GDA: variants seen among roughly 807,000 people sequenced by gnomAD.
GDA encodes cytoplasmic PSD-95 interactor.
In GDA, 18 loss-of-function variants were observed where a neutral mutation model predicts 59.6. The observed-to-expected ratio is 0.30, with a 90% CI of 0.21 to 0.45. The LOEUF is 0.45. GDA is among the 20% of genes least tolerant of loss of function. GDA has a pLI of 1.00. For missense variants in GDA, 427 were observed against 552.3 expected (o/e 0.77, Z 2.27); for synonymous variants, 201 against 201.1 (o/e 1.00, Z 0.00).
chr9:72,196,380 G>A (rs1049019100), intron 2 of GDA, among the ~76,000 whole-genome samples: 12 of 151,576 alleles, frequency 7.9e-5, no homozygotes, highest in Non-Finnish European at 1.3e-4. Flanking sequence ...CAGCTACCTG[G>A]GTGGCTGAGG....
At chr9:72,258,792 G>C (rs987320786), downstream of GDA, among the ~76,000 whole-genome samples, 1 of 152,124 alleles carries the variant, frequency 6.6e-6, no homozygotes, top group Non-Finnish European at 1.5e-5. Flanking sequence ...GCTTGGACTC[G>C]GAAGAAAGAG....
chr9:72,178,574 C>T (rs1241392500), intron 1 of GDA, among the ~76,000 whole-genome samples: 3 of 152,028 alleles, frequency 2.0e-5, no homozygotes, highest in African/African-American at 4.8e-5. Context: ...TGTATCACCA[C>T]GCCTAGCTAA....
upstream of GDA, among the ~76,000 whole-genome samples, chr9:72,145,782 T>C (rs1826605949): frequency 6.6e-6 from 1 of 152,206 alleles, no homozygotes; most frequent in African/African-American, 2.4e-5. Context: ...CATAAAATGT[T>C]GGAAAACTAA....
At chr9:72,188,739 G>A (rs1832151891) in intron 1 of GDA, among the ~76,000 whole-genome samples, 1 of 152,130 alleles carries the variant, frequency 6.6e-6, no homozygotes, top group Non-Finnish European at 1.5e-5. Flanking sequence ...TGGAGCCCTG[G>A]GAGCAGGACT....
intron 1 of GDA, among the ~76,000 whole-genome samples, chr9:72,163,163 A>G (rs1391362581): frequency 1.3e-5 from 2 of 152,186 alleles, no homozygotes; most frequent in Non-Finnish European, 2.9e-5. Context: ...TTTGATGACA[A>G]AAATGGGTAC....
At chr9:72,200,745 C>T (rs1833889106) in intron 2 of GDA, among the ~76,000 whole-genome samples, 1 of 152,340 alleles carries the variant, frequency 6.6e-6, no homozygotes, top group African/African-American at 2.4e-5. Flanking sequence ...ATATTCCACC[C>T]TCCCTTTCAG....
intron 10 of GDA, among the ~76,000 whole-genome samples, chr9:72,234,045 T>C (rs977163386): frequency 2.0e-5 from 3 of 152,160 alleles, no homozygotes; most frequent in African/African-American, 7.2e-5. Context: ...AGCAGGAGGA[T>C]GGATAAGCAA....
intron 9 of GDA, among the ~76,000 whole-genome samples, chr9:72,229,793 C>G (rs1232004527): frequency 1.3e-5 from 2 of 152,128 alleles, no homozygotes. Context: ...GGGAAGGGTG[C>G]TGAGAGCCAC....
chr9:72,158,460 G>A (rs1011619239), intron 1 of GDA, among the ~76,000 whole-genome samples: 1 of 152,008 alleles, frequency 6.6e-6, no homozygotes, highest in Non-Finnish European at 1.5e-5. Flanking sequence ...GGGTGTGGTG[G>A]CAGGCGCCTA....
intron 1 of GDA, among the ~76,000 whole-genome samples, chr9:72,124,634 T>C (rs1825782986): frequency 6.6e-6 from 1 of 152,222 alleles, no homozygotes; most frequent in Non-Finnish European, 1.5e-5. Context: ...TTACATTAGT[T>C]ACAAGGTGTA....
At chr9:72,163,844 T>C (rs894726029) in intron 1 of GDA, among the ~76,000 whole-genome samples, 2 of 152,082 alleles carry the variant, frequency 1.3e-5, no homozygotes, top group Non-Finnish European at 2.9e-5. Flanking sequence ...GATAAAACTG[T>C]TTCAGGTGCA....
intron 1 of GDA, among the ~76,000 whole-genome samples, chr9:72,142,092 G>A (rs1183096005): frequency 6.6e-6 from 1 of 152,116 alleles, no homozygotes; most frequent in East Asian, 1.9e-4. Flanking sequence ...TAAGTAAAAT[G>A]TTAGACCTGC....
rs1840491501 is a variant in GDA at position 72,249,602 on chromosome 9, A to G, written c.*1260A>G. 1.5e-6 allele frequency: 1 copy of G among 650,712 alleles called. No individual in the cohort carries two copies. Among genetic ancestry groups the G allele is most frequent in the Non-Finnish European group, 1.9e-6 (1 of 525,056 alleles). 40.3% of individuals were successfully genotyped at this position (650,712 alleles called of 1,614,324 possible). ...GCAAAGACTATTTTTATGCTTCCAT[A>G]ACCTAGAATTAAAACCAAATTATGA... On this transcript the variant is annotated 3_prime_UTR_variant, in exon 14 of 14. Coordinates refer to ENST00000358399, the MANE Select transcript of GDA (RefSeq NM_004293.5).
At chr9:72,221,436 C>T (rs1220289090) in intron 6 of GDA, among the ~76,000 whole-genome samples, 2 of 152,136 alleles carry the variant, frequency 1.3e-5, no homozygotes, top group Non-Finnish European at 2.9e-5. Flanking sequence ...CATGAAACCC[C>T]GTACTTCCAC....
rs745749465 is a variant in GDA, at chr9:72,195,606, C to T, written c.212+18C>T. 1 of 1,195,796 alleles carries T rather than the reference C, an allele frequency of 8.4e-7. No homozygotes were observed. The allele number at this position is 1,195,796 out of a possible 1,614,324, so 74.1% of individuals were successfully genotyped here. On this transcript the variant is annotated intron_variant, in intron 2 of 13. Transcript: ENST00000358399. ...AGCCACCAGTAAGTTGTTACTTCTT[C>T]CCTTTTACTGGGTGCCACTAATAAG...
intron 1 of GDA, among the ~76,000 whole-genome samples, chr9:72,140,924 G>A (rs1444993537): frequency 1.3e-5 from 2 of 152,098 alleles, no homozygotes; most frequent in African/African-American, 2.4e-5. Context: ...TTGGGAAGTC[G>A]AGGCAGGAGG....
At chr9:72,185,738 T>C (rs1831787941) in intron 1 of GDA, among the ~76,000 whole-genome samples, 2 of 152,222 alleles carry the variant, frequency 1.3e-5, no homozygotes, top group Admixed American at 1.3e-4. Context: ...GCAACAAGCC[T>C]CTTGCCCAAA....
At chr9:72,128,647 G>A (rs1040633028) in intron 1 of GDA, among the ~76,000 whole-genome samples, 1 of 152,116 alleles carries the variant, frequency 6.6e-6, no homozygotes, top group Non-Finnish European at 1.5e-5. Flanking sequence ...GATTTTGACA[G>A]CTCCTTCAGG....
chr9:72,243,718 A>G (rs1839861656), intron 11 of GDA, among the ~76,000 whole-genome samples: 1 of 152,248 alleles, frequency 6.6e-6, no homozygotes, highest in Admixed American at 6.5e-5. Flanking sequence ...ATCTTTTAAG[A>G]ACAAGTAAGA....
Sources: gnomAD v4.1 joint callset for allele counts (sites outside exome capture counted in the v4.1 genomes callset) on GRCh38, gnomAD v4.1.1 for gene constraint, MANE v1.5 for transcripts, NCBI Gene and HGNC (gene_info 2026-07-23, HGNC 2026-07-21) for gene names.